Variants in PCDHA1 observed in about 807,000 individuals in gnomAD.
PCDHA1 encodes the protein protocadherin alpha 1.
Under a neutral mutation model 61.3 loss-of-function variants are expected in PCDHA1, and 42 were observed. The observed-to-expected ratio is 0.69, with a 90% confidence interval of 0.54 to 0.89. PCDHA1 has a LOEUF of 0.89. Among genes scored for constraint, PCDHA1 ranks in the 40% least tolerant of loss-of-function variants. PCDHA1 has a pLI of 0.00. For missense variants in PCDHA1, 1,256 were observed against 1,235.3 expected, an observed-to-expected ratio of 1.02 and a Z score of -0.25; for synonymous variants, 610 against 553.8, an observed-to-expected ratio of 1.10 and a Z score of -1.43.
chr5:140,886,453 A>G (rs1047264611), intron 1 of PCDHA1, among the ~76,000 whole-genome samples: 1 of 152,140 alleles, frequency 6.6e-6, no homozygotes, highest in Non-Finnish European at 1.5e-5. Flanking sequence ...TAATTTTGTC[A>G]TATATAAATG....
chr5:140,858,362 C>A, intron 1 of PCDHA1: 1 of 1,591,614 alleles, frequency 6.3e-7, no homozygotes, highest in Non-Finnish European at 8.6e-7. Flanking sequence ...GGCCTTCAGC[C>A]CCAGCCTTCC....
At chr5:140,888,938 G>T (rs947628683) in intron 1 of PCDHA1, among the ~76,000 whole-genome samples, 1 of 151,864 alleles carries the variant, frequency 6.6e-6, no homozygotes, top group Admixed American at 6.6e-5. Flanking sequence ...TTTGAGGGAG[G>T]TATAAATTTT....
At chr5:140,788,706 T>C (rs34042554) in intron 1 of PCDHA1, 22 bp downstream of exon 1, 38,478 of 1,518,942 alleles carry the variant, frequency 0.025, 578 homozygotes, top group Non-Finnish European at 0.031. Context: ...TTTCGAGTTT[T>C]GGCTTTAAAT....
chr5:140,967,601 C>A lies in PCDHA1; in HGVS notation c.2395-11348C>A, dbSNP rs782574259. The A allele has an allele frequency of 9.3e-6, 15 of 1,614,144 alleles. No individual in the cohort carries two copies. The highest frequency in any genetic ancestry group is 1.3e-5 in the Non-Finnish European group (15 of 1,180,034). ...ACCCCCAGGCACATTGGTGGTGAAGCTGAATGCCTCAGACCCGGATGAGGG... is the reference window on the plus strand; with the variant it reads ...ACCCCCAGGCACATTGGTGGTGAAGATGAATGCCTCAGACCCGGATGAGGG... On this transcript the variant is annotated intron_variant, in intron 1 of 3. Transcript: ENST00000504120.
Position 140,788,059 on chromosome 5 carries a change from T to G in PCDHA1, c.1769T>G (p.Val590Gly). ...LVPRLVGAGH[V>G]VAKVRAVDAD... The stretch of plus-strand genomic sequence containing the variant: ...CCGCGATTGGTGGGTGCGGGTCATG[T>G]GGTGGCGAAGGTGCGCGCAGTGGAC... Residue 590 changes from valine to glycine, a missense_variant, in exon 1 of 4, where the codon GTG (valine) becomes GGG (glycine). Val to Gly is a moderately radical substitution (Grantham distance 109). Coordinates refer to ENST00000504120, the MANE Select transcript of PCDHA1 (RefSeq NM_018900.4). 4 of 1,613,970 alleles carry G rather than the reference T, an allele frequency of 2.5e-6. No individual in the cohort carries two copies. The Admixed American group carries it at 6.7e-5, about 27-fold the overall frequency.
chr5:140,926,783 C>G lies in PCDHA1; in HGVS notation c.2395-52166C>G, dbSNP rs1230665699. 5.0e-6 allele frequency: 7 copies of G among 1,410,188 alleles called. No homozygotes were observed. The African/African-American group carries it at 7.3e-5, about 15-fold the overall frequency. The allele number at this position is 1,410,188 out of a possible 1,614,324, so 87.4% of individuals were successfully genotyped here. On this transcript the variant is annotated intron_variant, in intron 1 of 3. Transcript: ENST00000504120. The stretch of plus-strand genomic sequence containing the variant: ...GTATCCAGCCCGCAGCAGTGACGGC[C>G]GGCAGGAGCGTGCTCTTCCCCGCGG...
At chr5:140,808,654 G>A in intron 1 of PCDHA1, 1 of 1,613,224 alleles carries the variant, frequency 6.2e-7, no homozygotes, top group Non-Finnish European at 8.5e-7. Flanking sequence ...AGAACGCGCT[G>A]GTGTCCTACT....
At chr5:140,807,138 T>C in intron 1 of PCDHA1, 1 of 1,568,760 alleles carries the variant, frequency 6.4e-7, no homozygotes, top group Non-Finnish European at 8.6e-7. Flanking sequence ...AAGATTTCCC[T>C]TGACTTTGAG....
At chr5:140,791,042 A>G (rs1761619316) in intron 1 of PCDHA1, among the ~76,000 whole-genome samples, 1 of 152,226 alleles carries the variant, frequency 6.6e-6, no homozygotes, top group Non-Finnish European at 1.5e-5. Flanking sequence ...ACAACTTTCA[A>G]CAGGTTTATC....
At chr5:140,884,396 C>A (rs2060144550) in intron 1 of PCDHA1, 2 of 1,614,012 alleles carry the variant, frequency 1.2e-6, no homozygotes, top group Middle Eastern at 1.6e-4. Flanking sequence ...GGTGTCCAGC[C>A]TGTTGGTGCT....
chr5:140,917,417 C>G (rs1163543772), intron 1 of PCDHA1, among the ~76,000 whole-genome samples: 2 of 152,082 alleles, frequency 1.3e-5, no homozygotes, highest in African/African-American at 2.4e-5. Flanking sequence ...TAATTAGGCC[C>G]CATTTGCCAA....
At chr5:140,927,089 TC>T in intron 1 of PCDHA1, 1 of 1,612,460 alleles carries the variant, frequency 6.2e-7, no homozygotes, top group Non-Finnish European at 8.5e-7. Context: ...GAGCTCTACT[TC>T]GGGGTGGATC....
chr5:140,801,173 A>G, intron 1 of PCDHA1: 4 of 1,567,252 alleles, frequency 2.6e-6, no homozygotes, highest in East Asian at 4.5e-5. Context: ...TGTAAAGGCA[A>G]TCTAATATTT....
At chr5:140,877,189 G>T (rs370743077) in intron 1 of PCDHA1, 3 of 1,613,808 alleles carry the variant, frequency 1.9e-6, no homozygotes, top group Admixed American at 1.7e-5. Context: ...GGCTGGCAGC[G>T]CAGGAGGCGC....
At position 140,797,109 on chromosome 5, in the gene PCDHA1, G is replaced by T. The variant is rs781983220; in HGVS notation, c.2394+8425G>T. 2.5e-5 allele frequency: 40 copies of T among 1,613,902 alleles called. No homozygotes were observed. The South Asian group carries it at 4.4e-4, about 18-fold the overall frequency. ...TATCCAGCCTGTTGGTGCTCACGGT[G>T]CTGCTGTACACTGCGCTGCGGTGCT... On this transcript the variant is annotated intron_variant, in intron 1 of 3. Transcript: ENST00000504120.
chr5:140,869,348 G>A (rs782687742), intron 1 of PCDHA1: 1 of 1,614,066 alleles, frequency 6.2e-7, no homozygotes, highest in South Asian at 1.1e-5. Context: ...CTGCAGAATG[G>A]CATTTTGTTT....
intron 1 of PCDHA1, chr5:140,803,974 T>C: frequency 3.2e-6 from 1 of 314,768 alleles, no homozygotes. Context: ...ACTTTTCATT[T>C]GGACTTCCTA....
At chr5:140,840,399 T>A (rs1321013469) in intron 1 of PCDHA1, among the ~76,000 whole-genome samples, 1 of 151,988 alleles carries the variant, frequency 6.6e-6, no homozygotes, top group African/African-American at 2.4e-5. Context: ...GATATGGAGT[T>A]AAGAATACTT....
intron 1 of PCDHA1, among the ~76,000 whole-genome samples, chr5:140,832,988 T>G (rs1772237826): frequency 6.6e-6 from 1 of 152,168 alleles, no homozygotes; most frequent in Admixed American, 6.6e-5. Context: ...AAATGAGGAA[T>G]AGTCCACTTT....
Sources: allele counts gnomAD v4.1 joint callset (sites outside exome capture counted in the v4.1 genomes callset), GRCh38; gene constraint gnomAD v4.1.1; transcripts MANE v1.5; gene names NCBI Gene and HGNC (gene_info 2026-07-23, HGNC 2026-07-21).